TEK: variants seen among roughly 807,000 people sequenced by gnomAD.
The protein encoded by TEK is angiopoietin-1 receptor.
In TEK, 43 loss-of-function variants were observed where a neutral mutation model predicts 131.8. The ratio of observed to expected loss-of-function variants is 0.33; its 90% confidence interval spans 0.26 to 0.42. TEK has a LOEUF of 0.42. TEK is among the 10% of genes least tolerant of loss of function. The probability of loss-of-function intolerance (pLI) is 1.00; values close to 1 mark genes in which losing one functional copy is unlikely to be tolerated. For synonymous variants in TEK, 580 were observed against 491.6 expected (o/e 1.18, Z -2.38); for missense variants, 1,162 against 1,384.4 (o/e 0.84, Z 2.55).
chr9:27,206,065 C>T (rs548198795), intron 14 of TEK, among the ~76,000 whole-genome samples: 1 of 152,324 alleles, frequency 6.6e-6, no homozygotes, highest in African/African-American at 2.4e-5. Flanking sequence ...TGGCTCTAAG[C>T]TTCAATCATC....
chr9:27,120,073 C>G (rs551057049), intron 1 of TEK, among the ~76,000 whole-genome samples: 1 of 152,196 alleles, frequency 6.6e-6, no homozygotes, highest in Non-Finnish European at 1.5e-5. Context: ...AAACATCCAT[C>G]TATTTTATTA....
At chr9:27,119,712 T>C (rs902434078) in intron 1 of TEK, among the ~76,000 whole-genome samples, 10 of 152,234 alleles carry the variant, frequency 6.6e-5, no homozygotes, top group Admixed American at 3.3e-4. Flanking sequence ...CTCTCATTTC[T>C]GGGTCGTGAC....
intron 11 of TEK, among the ~76,000 whole-genome samples, chr9:27,194,621 G>C (rs949537696): frequency 6.6e-6 from 1 of 152,202 alleles, no homozygotes; most frequent in Admixed American, 6.5e-5. Flanking sequence ...AACTGACTCA[G>C]ATGGAAAGTA....
intron 6 of TEK, among the ~76,000 whole-genome samples, chr9:27,179,118 G>T (rs1168967987): frequency 6.6e-6 from 1 of 152,052 alleles, no homozygotes; most frequent in East Asian, 1.9e-4. Context: ...GGGTCCCTAA[G>T]GATTAAAAAT....
At chr9:27,157,269 A>G (rs1823367466) in intron 1 of TEK, among the ~76,000 whole-genome samples, 1 of 152,220 alleles carries the variant, frequency 6.6e-6, no homozygotes. Flanking sequence ...TAATCTTTAC[A>G]AGAATCCTGA....
intron 3 of TEK, 94 bp downstream of exon 3, chr9:27,168,699 C>A (rs1456635515): frequency 9.1e-6 from 9 of 993,326 alleles, no homozygotes; most frequent in South Asian, 1.4e-5. Context: ...GTCTTGTGGG[C>A]AGATGTTTGA....
intron 1 of TEK, among the ~76,000 whole-genome samples, chr9:27,135,550 C>A (rs759049868): frequency 2.6e-5 from 4 of 152,124 alleles, no homozygotes; most frequent in Non-Finnish European, 4.4e-5. Context: ...TTAATACAGC[C>A]TCCATAAAAT....
At chr9:27,169,675 T>C in intron 4 of TEK, 46 bp downstream of exon 4, 1 of 1,612,376 alleles carries the variant, frequency 6.2e-7, no homozygotes, top group Non-Finnish European at 8.5e-7. Flanking sequence ...AGTTGTTAGG[T>C]TGTTAGGATT....
intron 1 of TEK, among the ~76,000 whole-genome samples, chr9:27,153,543 G>A (rs1266200308): frequency 6.6e-6 from 1 of 152,204 alleles, no homozygotes; most frequent in South Asian, 2.1e-4. Context: ...TATGCATCTT[G>A]TTTCAGCAAA....
chr9:27,218,375 G>A (rs1395126008), intron 19 of TEK, among the ~76,000 whole-genome samples: 1 of 152,066 alleles, frequency 6.6e-6, no homozygotes, highest in Non-Finnish European at 1.5e-5. Context: ...ATAATTTTGA[G>A]GCAGGGATTA....
chr9:27,152,594 C>CCA (rs1554691180), intron 1 of TEK, among the ~76,000 whole-genome samples: 1 of 135,684 alleles, frequency 7.4e-6, no homozygotes, highest in Non-Finnish European at 1.6e-5. Context: ...TATGAAGCCC[C>CCA]CCCGCCGCAA....
chr9:27,197,270 A>C, intron 11 of TEK, 45 bp from the exon 12 acceptor site: 1 of 1,600,950 alleles, frequency 6.2e-7, no homozygotes, highest in African/African-American at 1.3e-5. Context: ...AATCCAAACT[A>C]TATCAGCCAT....
intron 2 of TEK, among the ~76,000 whole-genome samples, chr9:27,160,646 T>G (rs1328394420): frequency 6.6e-6 from 1 of 152,124 alleles, no homozygotes; most frequent in Admixed American, 6.5e-5. Flanking sequence ...AATTTACTAA[T>G]GGTAGTAATG....
chr9:27,164,525 T>C (rs1162573933), intron 2 of TEK, among the ~76,000 whole-genome samples: 2 of 152,076 alleles, frequency 1.3e-5, no homozygotes, highest in Non-Finnish European at 2.9e-5. Context: ...TTCAATGTGT[T>C]AGCCAGGATG....
At chr9:27,178,299 A>T (rs1000763649) in intron 6 of TEK, among the ~76,000 whole-genome samples, 1 of 151,968 alleles carries the variant, frequency 6.6e-6, no homozygotes, top group Admixed American at 6.6e-5. Flanking sequence ...TGGGCTGTCA[A>T]TTCTGTTCCG....
At chr9:27,224,961 TAGC>T (rs1030901314) in intron 21 of TEK, among the ~76,000 whole-genome samples, 3 of 152,142 alleles carry the variant, frequency 2.0e-5, no homozygotes, top group African/African-American at 7.2e-5. Flanking sequence ...TATACACCAA[TAGC>T]AGACAAACAG....
intron 1 of TEK, among the ~76,000 whole-genome samples, chr9:27,135,109 C>T (rs947603642): frequency 2.6e-5 from 4 of 151,740 alleles, no homozygotes; most frequent in Admixed American, 2.6e-4. Context: ...CCTGTAATCC[C>T]GCTACTTGGG....
intron 1 of TEK, among the ~76,000 whole-genome samples, chr9:27,130,053 A>C (rs1162835624): frequency 6.6e-6 from 1 of 152,258 alleles, no homozygotes; most frequent in Non-Finnish European, 1.5e-5. Flanking sequence ...AAATTTAACA[A>C]AATAATTATA....
At chr9:27,208,838 G>C (rs570344373) in intron 15 of TEK, among the ~76,000 whole-genome samples, 1 of 152,310 alleles carries the variant, frequency 6.6e-6, no homozygotes, top group East Asian at 1.9e-4. Context: ...GGGGCATTTG[G>C]CAATATCTGG....
Sources: allele counts gnomAD v4.1 joint callset (sites outside exome capture counted in the v4.1 genomes callset), GRCh38; gene constraint gnomAD v4.1.1; transcripts MANE v1.5; gene names NCBI Gene and HGNC (gene_info 2026-07-23, HGNC 2026-07-21).